The following PLCH2 variants were observed in gnomAD, a reference collection of about 807,000 sequenced individuals.
PLCH2 encodes the protein 1-phosphatidylinositol 4,5-bisphosphate phosphodiesterase eta-2.
In PLCH2, 98 loss-of-function variants were observed where a neutral mutation model predicts 134.7. The observed-to-expected ratio is 0.73, with a 90% CI of 0.62 to 0.86. PLCH2 has a LOEUF of 0.86. Among genes scored for constraint, PLCH2 ranks in the 40% least tolerant of loss-of-function variants. The pLI, the probability that PLCH2 is intolerant of heterozygous loss-of-function variation, is 0.00. For missense variants in PLCH2, 1,994 were observed against 1,986.6 expected (o/e 1.00, Z -0.07); for synonymous variants, 974 against 827.5 (o/e 1.18, Z -3.04).
the PLCH2 span, among the ~76,000 whole-genome samples, chr1:2,416,653 C>A: frequency 6.6e-6 from 1 of 152,206 alleles, no homozygotes; most frequent in African/African-American, 2.4e-5. Context: ...GAGGGCGGGG[C>A]CCGGCAGCCA....
At position 2,505,361 on chromosome 1, in the gene PLCH2, T is replaced by TGCTCCC; in HGVS notation, c.*150_*155dup. The TGCTCCC allele has an allele frequency of 1.6e-6, 1 of 623,394 alleles. No homozygotes were observed. Among genetic ancestry groups the TGCTCCC allele is most frequent in the Admixed American group, 3.3e-5 (1 of 30,442 alleles). The allele number at this position is 623,394 out of a possible 1,614,324, so 38.6% of individuals were successfully genotyped here. On this transcript the variant is annotated 3_prime_UTR_variant, in exon 22 of 22. Transcript: ENST00000378486. ...TCCACCCCTGCCTCCCTCCTGCCCC[T>TGCTCCC]GCTCCCGGGGAGGAAAGGCTAAAGC...
the PLCH2 span, among the ~76,000 whole-genome samples, chr1:2,416,753 G>C: frequency 6.6e-6 from 1 of 152,232 alleles, no homozygotes; most frequent in African/African-American, 2.4e-5. Flanking sequence ...GGTTAGGACA[G>C]GGGTGCAGAG....
intron 2 of PLCH2, among the ~76,000 whole-genome samples, chr1:2,437,335 C>A (rs1247292204): frequency 6.6e-6 from 1 of 152,158 alleles, no homozygotes; most frequent in Admixed American, 6.5e-5. Context: ...CAGTGCCCAG[C>A]TCCTACTCCT....
At chr1:2,480,119 C>A (rs536552738) in intron 3 of PLCH2, 64 bp from the exon 4 acceptor site, 1 of 1,600,010 alleles carries the variant, frequency 6.2e-7, no homozygotes, top group Non-Finnish European at 8.5e-7. Flanking sequence ...CCTCCCTAGG[C>A]CAGAGGGTGG....
At chr1:2,441,578 G>A (rs533956486) in intron 2 of PLCH2, among the ~76,000 whole-genome samples, 41 of 152,354 alleles carry the variant, frequency 2.7e-4, no homozygotes, top group African/African-American at 9.1e-4. Flanking sequence ...ATGCTGTCAC[G>A]GTGGGGTTTC....
In PLCH2 at chr1:2,502,284, C is replaced by T. The variant is rs778659920; in HGVS notation, c.2834C>T (p.Pro945Leu). Reference protein sequence around the residue: ...KSQKPGRRGFPELVLGTRDTG... With the variant: ...KSQKPGRRGFLELVLGTRDTG... ...CAGAAGCCGGGCCGCAGGGGCTTCC[C>T]GGAGCTGGTCCTGGGTACACGGGAC... The change falls in exon 21 of 22, where the codon CCG (proline) becomes CTG (leucine). Residue 945 changes from proline to leucine, a missense_variant. Around this residue, in one of 2 missense-constraint regions of PLCH2, gnomAD observed 900 missense variants for 752.3 expected, o/e 1.20. Transcript: ENST00000378486. The T allele has an allele frequency of 1.8e-5, 28 of 1,538,098 alleles. No homozygotes were observed. Among genetic ancestry groups the T allele is most frequent in the South Asian group, 1.1e-4 (9 of 83,048 alleles).
the PLCH2 span, among the ~76,000 whole-genome samples, chr1:2,420,089 C>T: frequency 6.6e-6 from 1 of 151,826 alleles, no homozygotes; most frequent in Non-Finnish European, 1.5e-5. Context: ...CCTGCCTCCC[C>T]ACTCCCCGCC....
Position 2,504,839 on chromosome 1 carries a change from G to C in PLCH2, c.3877G>C (p.Gly1293Arg), listed in dbSNP as rs530662540. 6 of 1,605,952 alleles carry C rather than the reference G, an allele frequency of 3.7e-6. No homozygotes were observed. In the African/African-American group the frequency reaches 8.0e-5, roughly 21 times the overall value. ...PGGTRRVSGP[G>R]VRRDTLTEQL... is the part of the protein sequence containing the mutation. Reference sequence around the variant, plus strand: ...AGGGACACGGCGGGTGTCGGGGCCAGGGGTGAGACGGGACACCCTGACAGA... The same window carrying C: ...AGGGACACGGCGGGTGTCGGGGCCACGGGTGAGACGGGACACCCTGACAGA... Residue 1293 changes from glycine to arginine, a missense_variant, in exon 22 of 22, where the codon GGG (glycine) becomes CGG (arginine). Physicochemically the swap from Gly to Arg is moderately radical, Grantham distance 125. Around this residue, in one of 2 missense-constraint regions of PLCH2, gnomAD observed 900 missense variants for 752.3 expected, o/e 1.20. Transcript: ENST00000378486.
At position 2,503,993 on chromosome 1, in the gene PLCH2, G is replaced by T; in HGVS notation, c.3031G>T (p.Ala1011Ser). 1.4e-6 allele frequency: 2 copies of T among 1,479,396 alleles called. No homozygotes were observed. The highest frequency in any genetic ancestry group is 1.8e-6 in the Non-Finnish European group (2 of 1,101,472). 91.6% of individuals were successfully genotyped at this position (1,479,396 alleles called of 1,614,324 possible). A position where few individuals can be genotyped will look rare whatever the true frequency, so the allele number is the denominator to read the frequency against. The change falls in exon 22 of 22, where the codon GCC (alanine) becomes TCC (serine). Residue 1011 changes from alanine to serine, a missense_variant. Transcript: ENST00000378486. ...CCTGGAAACCATCGCTGAGGAGCCC[G>T]CCCCAGGCCCTGGTCCCCCGCCACC... ...CSLETIAEEP[A>S]PGPGPPPPAA...
intron 1 of PLCH2, among the ~76,000 whole-genome samples, chr1:2,470,693 T>C (rs1018003269): frequency 2.6e-5 from 4 of 152,094 alleles, no homozygotes; most frequent in Non-Finnish European, 4.4e-5. Flanking sequence ...GGGGCAGGGC[T>C]GGCTCTGACC....
In PLCH2 at chr1:2,498,510, G is replaced by C. The variant is rs746305877; in HGVS notation, c.2225-13G>C. ...GGGCTGGGCCACTGACCACCTCCCC[G>C]GCATCCCCTCAGGCGTGTTCAACCC... On this transcript the variant is annotated splice_polypyrimidine_tract_variant and intron_variant, in intron 16 of 21. Transcript: ENST00000378486. This position sits in a 1 kb window ranked among gnomAD's most constrained non-coding sequence, Gnocchi z 5.4. The C allele has an allele frequency of 6.2e-7, 1 of 1,602,402 alleles. No individual in the cohort carries two copies. Among genetic ancestry groups the C allele is most frequent in the Non-Finnish European group, 8.5e-7 (1 of 1,175,140 alleles).
At chr1:2,433,986 C>CT (rs1363655452) in intron 2 of PLCH2, among the ~76,000 whole-genome samples, 1 of 152,184 alleles carries the variant, frequency 6.6e-6, no homozygotes, top group Non-Finnish European at 1.5e-5. Context: ...GTGCAGTCTC[C>CT]CCGGGCACCC....
At chr1:2,452,439 C>T (rs1236421528) in intron 2 of PLCH2, among the ~76,000 whole-genome samples, 3 of 152,142 alleles carry the variant, frequency 2.0e-5, no homozygotes, top group African/African-American at 7.2e-5. Flanking sequence ...GCCTCCTGCT[C>T]TCCCTCCTGC....
rs114168125 is a variant in PLCH2, at chr1:2,498,905, G to A, written c.2434+77G>A. On this transcript the variant is annotated intron_variant, in intron 18 of 21. Coordinates refer to ENST00000378486, the MANE Select transcript of PLCH2 (RefSeq NM_014638.4). The surrounding 1 kb of genome is among the most constrained non-coding windows in gnomAD (Gnocchi z 5.4). ...AGGGTTGGGGCTACCTGGTGTGCCCGGGTGCCCTGCCCAGGCCTCCCTCAG... is the reference window on the plus strand; with the variant it reads ...AGGGTTGGGGCTACCTGGTGTGCCCAGGTGCCCTGCCCAGGCCTCCCTCAG... The A allele has an allele frequency of 1.6e-4, 225 of 1,371,638 alleles. 1 individual carries two copies. In the African/African-American group the frequency reaches 2.9e-3, roughly 18 times the overall value. 85.0% of individuals were successfully genotyped at this position (1,371,638 alleles called of 1,614,324 possible). A position where few individuals can be genotyped will look rare whatever the true frequency, so the allele number is the denominator to read the frequency against.
At chr1:2,474,916 C>T (rs192879644), upstream of PLCH2, among the ~76,000 whole-genome samples, 29 of 152,312 alleles carry the variant, frequency 1.9e-4, no homozygotes, top group Admixed American at 4.6e-4. Context: ...TGGCCTTCCC[C>T]GAGGCCCTGT....
Position 2,495,673 on chromosome 1 carries a change from C to A in PLCH2, c.1835+103C>A. ...CCACCAGGACCATCCCTGAGCAGGG[C>A]AGGACCTACCCCCTTCTTGGCCCCT... is the stretch of plus-strand genomic sequence containing the variant. On this transcript the variant is annotated intron_variant, in intron 13 of 21. Coordinates refer to ENST00000378486, the MANE Select transcript of PLCH2 (RefSeq NM_014638.4). The A allele has an allele frequency of 1.4e-5, 10 of 735,612 alleles. No individual in the cohort carries two copies. The South Asian group carries it at 1.7e-4, about 13-fold the overall frequency. 45.6% of individuals were successfully genotyped at this position (735,612 alleles called of 1,614,324 possible).
At chr1:2,487,899 C>T (rs910205886) in intron 8 of PLCH2, among the ~76,000 whole-genome samples, 181 bp downstream of exon 8, 4 of 152,054 alleles carry the variant, frequency 2.6e-5, no homozygotes, top group African/African-American at 7.2e-5. Context: ...AGAGTATGGC[C>T]GCAGGTCTAG....
At chr1:2,442,946 G>T (rs978805208) in intron 2 of PLCH2, among the ~76,000 whole-genome samples, 2 of 152,192 alleles carry the variant, frequency 1.3e-5, no homozygotes, top group African/African-American at 4.8e-5. Flanking sequence ...GGGAACCGAC[G>T]AAGTGCCTGG....
At chr1:2,447,666 G>C (rs1264887659) in intron 2 of PLCH2, among the ~76,000 whole-genome samples, 1 of 152,202 alleles carries the variant, frequency 6.6e-6, no homozygotes, top group Non-Finnish European at 1.5e-5. Flanking sequence ...TCCCCAGCTT[G>C]ATCTCTCAGG....
Sources: gnomAD v4.1 joint callset for allele counts (sites outside exome capture counted in the v4.1 genomes callset) on GRCh38, gnomAD v4.1.1 for gene constraint, gnomAD v4.1.1 regional missense constraint, Gnocchi (gnomAD v3.1) non-coding constraint, MANE v1.5 for transcripts, NCBI Gene and HGNC (gene_info 2026-07-23, HGNC 2026-07-21) for gene names.